Variants in FOXK2 observed in about 807,000 individuals in gnomAD.
FOXK2 encodes the protein forkhead box protein K2.
FOXK2 carries 24 observed loss-of-function variants against 53.3 expected under a neutral mutation model. That is an observed-to-expected ratio of 0.45 (90% CI 0.33 to 0.63). The LOEUF is 0.63. FOXK2 is among the 30% of genes least tolerant of loss of function. The pLI is 0.03. For missense variants in FOXK2, 952 were observed against 910.5 expected, an observed-to-expected ratio of 1.05 and a Z score of -0.59; for synonymous variants, 505 against 407.1, an observed-to-expected ratio of 1.24 and a Z score of -2.89.
At chr17:82,577,315 A>G in intron 4 of FOXK2, 1 of 944,236 alleles carries the variant, frequency 1.1e-6, no homozygotes, top group Admixed American at 2.0e-5. Flanking sequence ...CGTTCTCTAA[A>G]TATCCAACCA....
At chr17:82,581,410 C>T (rs1246827066) in intron 4 of FOXK2, among the ~76,000 whole-genome samples, 1 of 151,874 alleles carries the variant, frequency 6.6e-6, no homozygotes, top group Non-Finnish European at 1.5e-5. Context: ...AGCAATTCTT[C>T]AGCTTCAGCA....
intron 1 of FOXK2, among the ~76,000 whole-genome samples, chr17:82,550,357 T>C (rs2044663898): frequency 6.6e-6 from 1 of 152,118 alleles, no homozygotes; most frequent in African/African-American, 2.4e-5. Context: ...TGGACAGTTG[T>C]GGGGGAAGAA....
At chr17:82,523,234 C>T (rs913429345) in intron 1 of FOXK2, among the ~76,000 whole-genome samples, 3 of 151,978 alleles carry the variant, frequency 2.0e-5, no homozygotes, top group African/African-American at 7.2e-5. Flanking sequence ...CTGGACTTCT[C>T]ATGGGCCTGG....
chr17:82,521,933 C>G (rs1267084135), intron 1 of FOXK2, among the ~76,000 whole-genome samples: 1 of 136,024 alleles, frequency 7.4e-6, no homozygotes, highest in Non-Finnish European at 1.5e-5. Flanking sequence ...AAGACTCCGC[C>G]TCAAAAAAAA....
At chr17:82,565,783 T>A (rs909481183) in intron 2 of FOXK2, among the ~76,000 whole-genome samples, 2 of 152,214 alleles carry the variant, frequency 1.3e-5, no homozygotes, top group African/African-American at 4.8e-5. Flanking sequence ...AATTACCATG[T>A]GATCCAGCAA....
At position 82,566,140 on chromosome 17, in the gene FOXK2, G is replaced by T. The variant is rs72862328; in HGVS notation, c.615-1914G>T. Among the ~76,000 whole-genome samples, 770 of 152,238 alleles carry T rather than the reference G, an allele frequency of 5.1e-3. 7 individuals are homozygous for T. The highest frequency in any genetic ancestry group is 9.1e-3 in the Non-Finnish European group (617 of 68,004). On this transcript the variant is annotated intron_variant, in intron 2 of 8. Coordinates refer to ENST00000335255, the MANE Select transcript of FOXK2 (RefSeq NM_004514.4). The stretch of plus-strand genomic sequence containing the variant: ...GGAAATGAGAACATTCTGGAGCGGG[G>T]TGGTGTGATGGCTGCACCTCTGTGT...
chr17:82,520,808 G>A (rs778312254), intron 1 of FOXK2, among the ~76,000 whole-genome samples: 4 of 152,174 alleles, frequency 2.6e-5, no homozygotes, highest in Non-Finnish European at 5.9e-5. Context: ...GTTTTAAGCA[G>A]GAAGGACTCC....
chr17:82,566,609 G>A (rs191681304), intron 2 of FOXK2, among the ~76,000 whole-genome samples: 3 of 152,342 alleles, frequency 2.0e-5, no homozygotes, highest in Admixed American at 1.3e-4. Flanking sequence ...CCGCCAAGCA[G>A]CAGCCTTGAA....
intron 1 of FOXK2, among the ~76,000 whole-genome samples, chr17:82,532,545 ATACT>A (rs1451081701): frequency 3.3e-5 from 5 of 152,196 alleles, no homozygotes; most frequent in African/African-American, 4.8e-5. Flanking sequence ...TTATAAACTA[ATACT>A]TAGTTTAAAA....
Position 82,519,982 on chromosome 17 carries a change from C to A in FOXK2, c.94C>A (p.Pro32Thr), listed in dbSNP as rs2044342732. Reference protein sequence around the residue: ...GGGAGGGGSPPGGWAVARLEG... With the variant: ...GGGAGGGGSPTGGWAVARLEG... ...CGGGGCCGGGGGCGGCGGGTCCCCG[C>A]CGGGCGGCTGGGCCGTGGCGCGCCT... Residue 32 changes from proline (P) to threonine (T), a missense_variant, in exon 1 of 9, where the codon CCG becomes ACG. Pro to Thr is a conservative substitution (Grantham distance 38). Coordinates refer to ENST00000335255, the MANE Select transcript of FOXK2 (RefSeq NM_004514.4). 7.6e-7 allele frequency: 1 copy of A among 1,316,600 alleles called. No homozygotes were observed. Among genetic ancestry groups the A allele is most frequent in the Non-Finnish European group, 9.8e-7 (1 of 1,023,144 alleles). The allele number at this position is 1,316,600 out of a possible 1,614,324, so 81.6% of individuals were successfully genotyped here.
rs557621081 is a variant in FOXK2 at position 82,551,134 on chromosome 17, G to A, written c.420-12220G>A. On this transcript the variant is annotated intron_variant, in intron 1 of 8. Coordinates refer to ENST00000335255, the MANE Select transcript of FOXK2 (RefSeq NM_004514.4). ...AGACTGAGACCATCCTGGCTAACAC[G>A]GTGAAACCCCGTCTCTACTAAAAAT... 5.7e-4 allele frequency among the ~76,000 whole-genome samples: 86 copies of A among 151,146 alleles called. 1 individual carries two copies. The highest frequency in any genetic ancestry group is 1.9e-3 in the African/African-American group (77 of 41,230).
intron 3 of FOXK2, among the ~76,000 whole-genome samples, chr17:82,570,221 C>CA (rs1288689869): frequency 1.2e-3 from 164 of 133,318 alleles, no homozygotes; most frequent in African/African-American, 4.0e-3. Flanking sequence ...GACTCTGTCT[C>CA]AAAAAAAAAA....
intron 7 of FOXK2, among the ~76,000 whole-genome samples, chr17:82,586,438 TCAAAGGTGGGCCGG>T (rs2045161590): frequency 7.1e-5 from 3 of 42,538 alleles, no homozygotes; most frequent in African/African-American, 9.1e-5. Flanking sequence ...CACAGGGAGG[TCAAAGGTGGGCCGG>T]GGGGGGAAAG....
Position 82,571,737 on chromosome 17 carries a change from C to T in FOXK2, c.776C>T (p.Pro259Leu), listed in dbSNP as rs2044920562. ...TTTTAAATACAGGATGATTCAAAGC[C>T]GCCTTACTCCTACGCGCAGCTGATA... ...GGDSPKDDSK[P>L]PYSYAQLIVQ... Residue 259 changes from proline (P) to leucine (L), a missense_variant, in exon 4 of 9, where the codon CCG becomes CTG. Pro to Leu is a moderately conservative substitution (Grantham distance 98, BLOSUM62 -3). Around this residue, in one of 5 missense-constraint regions of FOXK2, gnomAD observed 160 missense variants for 214.2 expected, o/e 0.75. Transcript: ENST00000335255. 2.6e-6 allele frequency: 4 copies of T among 1,540,508 alleles called. No individual in the cohort carries two copies. Among genetic ancestry groups the T allele is most frequent in the Non-Finnish European group, 2.6e-6 (3 of 1,148,792 alleles).
At chr17:82,535,994 A>G (rs1200448433) in intron 1 of FOXK2, among the ~76,000 whole-genome samples, 1 of 151,900 alleles carries the variant, frequency 6.6e-6, no homozygotes, top group Non-Finnish European at 1.5e-5. Flanking sequence ...CGCCTGTCTC[A>G]GCCTCCCGAA....
rs71168116 is a variant in FOXK2 at position 82,555,885 on chromosome 17, C to CAAA, written c.420-7440_420-7438dup. 4.0e-3 allele frequency among the ~76,000 whole-genome samples: 299 copies of CAAA among 74,232 alleles called. 8 individuals carry two copies. The highest frequency in any genetic ancestry group is 4.9e-3 in the Non-Finnish European group (194 of 39,742). 48.7% of individuals were successfully genotyped at this position (74,232 alleles called of 152,430 possible). ...CCTGGGCGAAAGCAAGACTCTATCA[C>CAAA]AAAAAAAAAAAAAAAAAAAAAAAAA... is the stretch of plus-strand genomic sequence containing the variant. On this transcript the variant is annotated intron_variant, in intron 1 of 8. Transcript: ENST00000335255.
chr17:82,599,848 A>G (rs538775787), intron 8 of FOXK2: 1 of 152,406 alleles, frequency 6.6e-6, no homozygotes, highest in Non-Finnish European at 1.5e-5. Flanking sequence ...CCCTTGACGG[A>G]CAGGTGGGCA....
intron 1 of FOXK2, among the ~76,000 whole-genome samples, chr17:82,523,471 C>CTT (rs368793665): frequency 4.1e-4 from 58 of 140,248 alleles, no homozygotes; most frequent in South Asian, 6.9e-4. Flanking sequence ...TGTTTAAAAT[C>CTT]TTTTTTTTTT....
intron 1 of FOXK2, among the ~76,000 whole-genome samples, chr17:82,521,027 A>G (rs1320247139): frequency 6.6e-6 from 1 of 152,194 alleles, no homozygotes; most frequent in East Asian, 1.9e-4. Context: ...GCTACAAAAC[A>G]ATTTAGCTTG....
Sources: gnomAD v4.1 joint callset for allele counts (sites outside exome capture counted in the v4.1 genomes callset) on GRCh38, gnomAD v4.1.1 for gene constraint, gnomAD v4.1.1 regional missense constraint, MANE v1.5 for transcripts, NCBI Gene and HGNC (gene_info 2026-07-23, HGNC 2026-07-21) for gene names.